LUZP1: variants seen among roughly 807,000 people sequenced by gnomAD.
The protein encoded by LUZP1 is leucine zipper protein 1.
LUZP1 carries 25 observed loss-of-function variants against 71.3 expected under a neutral mutation model. The observed-to-expected ratio is 0.35, with a 90% CI of 0.26 to 0.49. The LOEUF (loss-of-function observed/expected upper bound fraction) is 0.49, where lower values mean the gene tolerates loss of function less well. Among genes scored for constraint, LUZP1 ranks in the 20% least tolerant of loss-of-function variants. The pLI, the probability that LUZP1 is intolerant of heterozygous loss-of-function variation, is 0.99. For missense variants in LUZP1, 1,142 were observed against 1,300.8 expected (o/e 0.88, Z 1.88); for synonymous variants, 481 against 506.4 (o/e 0.95, Z 0.67).
chr1:23,104,745 T>C (rs555370739), intron 3 of LUZP1, among the ~76,000 whole-genome samples: 61 of 152,342 alleles, frequency 4.0e-4, no homozygotes, highest in African/African-American at 1.4e-3. Flanking sequence ...GTAATAGTTT[T>C]ATTGTATTCT....
Position 23,093,143 on chromosome 1 carries a change from C to G in LUZP1, c.1119G>C (p.Arg373Ser), listed in dbSNP as rs1452244292. 1 of 1,614,138 alleles carries G rather than the reference C, an allele frequency of 6.2e-7. No individual in the cohort carries two copies. The highest frequency in any genetic ancestry group is 1.3e-5 in the African/African-American group (1 of 75,054). The change falls in exon 4 of 5, where the codon AGG (arginine) becomes AGC (serine). Residue 373 changes from arginine (R) to serine (S), a missense_variant. Coordinates refer to ENST00000302291, the Ensembl canonical transcript of LUZP1. The surrounding 1 kb of genome is among the most constrained non-coding windows in gnomAD (Gnocchi z 4.2). ...CACTTCCGTGGCCTCTAAACTTAGT[C>G]CTCTCATGTCTGCCTTTGCTGGACA...
At chr1:23,102,204 C>T (rs1269719148) in intron 3 of LUZP1, among the ~76,000 whole-genome samples, 1 of 152,062 alleles carries the variant, frequency 6.6e-6, no homozygotes, top group East Asian at 1.9e-4. Flanking sequence ...TTCATGCCAC[C>T]CCTACATTAG....
At chr1:23,145,468 CTT>C (rs869293750) in intron 2 of LUZP1, among the ~76,000 whole-genome samples, 47 of 135,098 alleles carry the variant, frequency 3.5e-4, no homozygotes, top group African/African-American at 1.0e-3. Flanking sequence ...CTATTAATCT[CTT>C]TTTTTTTTTT....
Position 23,159,592 on chromosome 1 carries a change from T to C in LUZP1, c.-226+9174A>G, listed in dbSNP as rs149949946. Among the ~76,000 whole-genome samples the C allele has an allele frequency of 2.4e-3, 364 of 152,272 alleles. 5 individuals carry two copies. Among genetic ancestry groups the C allele is most frequent in the African/African-American group, 8.1e-3 (335 of 41,568 alleles). On this transcript the variant is annotated intron_variant, in intron 2 of 4. Transcript: ENST00000302291. ...TACATGAGATTATGAGCTTGAAACA[T>C]GATAGGTACTCAATAAATATTTGTT...
chr1:23,146,520 C>T (rs1364652886), intron 2 of LUZP1, among the ~76,000 whole-genome samples: 7 of 152,138 alleles, frequency 4.6e-5, no homozygotes, highest in Admixed American at 4.6e-4. Context: ...AATGGGACCC[C>T]CATGCGGTGC....
intron 2 of LUZP1, among the ~76,000 whole-genome samples, chr1:23,129,578 G>A (rs926462787): frequency 5.3e-5 from 8 of 152,014 alleles, no homozygotes; most frequent in Non-Finnish European, 1.0e-4. Context: ...CAAAAACTCC[G>A]TCTCAAAATA....
intron 2 of LUZP1, among the ~76,000 whole-genome samples, chr1:23,114,266 G>C (rs1164084368): frequency 1.3e-5 from 2 of 152,208 alleles, no homozygotes; most frequent in East Asian, 3.9e-4. Context: ...AGGAAGCAAG[G>C]GGAAAATAAT....
chr1:23,087,370 T>C (rs1270030420), exon 5 of LUZP1: 2 of 152,156 alleles, frequency 1.3e-5, no homozygotes, highest in African/African-American at 2.4e-5. Flanking sequence ...CATACTATTA[T>C]AGATGGTGAA....
At chr1:23,173,350 C>CTTTT (rs869169060) in intron 1 of LUZP1, among the ~76,000 whole-genome samples, 7 of 80,358 alleles carry the variant, frequency 8.7e-5, no homozygotes, top group Non-Finnish European at 1.7e-4. Flanking sequence ...TTTGTTTTTT[C>CTTTT]TTTTTTTTTT....
chr1:23,096,576 A>C (rs532645461), intron 3 of LUZP1, among the ~76,000 whole-genome samples: 3 of 152,324 alleles, frequency 2.0e-5, no homozygotes, highest in Non-Finnish European at 2.9e-5. Flanking sequence ...ATACGGAAGA[A>C]TGTATCACAA....
chr1:23,123,488 T>G (rs1219730475), intron 2 of LUZP1, among the ~76,000 whole-genome samples: 1 of 105,904 alleles, frequency 9.4e-6, no homozygotes, highest in African/African-American at 4.2e-5. Flanking sequence ...TGAGACTTTG[T>G]CTCCAAAAAA....
chr1:23,113,673 A>G (rs1188046976), intron 2 of LUZP1, among the ~76,000 whole-genome samples: 12 of 152,028 alleles, frequency 7.9e-5, no homozygotes, highest in Admixed American at 7.9e-4. Flanking sequence ...CGAGATCAGG[A>G]GATCGGGACC....
chr1:23,171,026 G>A (rs1644549286), intron 1 of LUZP1, among the ~76,000 whole-genome samples: 1 of 151,068 alleles, frequency 6.6e-6, no homozygotes, highest in Non-Finnish European at 1.5e-5. Flanking sequence ...GGAGGTGGAG[G>A]CTGCAATAAG....
exon 5 of LUZP1, chr1:23,084,256 G>A (rs1643722994): frequency 1.3e-5 from 2 of 152,252 alleles, no homozygotes; most frequent in South Asian, 4.2e-4. Flanking sequence ...GGTACACAGG[G>A]CTGCATTCAT....
intron 4 of LUZP1, among the ~76,000 whole-genome samples, chr1:23,089,575 C>CT (rs1160426229): frequency 6.7e-6 from 1 of 148,870 alleles, no homozygotes; most frequent in Non-Finnish European, 1.5e-5. Flanking sequence ...AAATAGCTGT[C>CT]TTTCTCCCTA....
chr1:23,138,663 T>TGTGTG lies in LUZP1; in HGVS notation c.-225-29537_-225-29536insCACAC, dbSNP rs1553140068. Among the ~76,000 whole-genome samples, 155 of 125,654 alleles carry TGTGTG rather than the reference T, an allele frequency of 1.2e-3. 1 individual carries two copies. The highest frequency in any genetic ancestry group is 3.8e-3 in the Middle Eastern group (1 of 262). The allele number at this position is 125,654 out of a possible 152,430, so 82.4% of individuals were successfully genotyped here. On this transcript the variant is annotated intron_variant, in intron 2 of 4. Transcript: ENST00000302291. ...TTTTTATGGTATATGGATTATGTGT[T>TGTGTG]TGTGTGTGTGTGTGTGTGTGTGTGT...
intron 2 of LUZP1, among the ~76,000 whole-genome samples, chr1:23,165,717 G>A (rs1036477502): frequency 6.6e-6 from 1 of 152,082 alleles, no homozygotes; most frequent in South Asian, 2.1e-4. Flanking sequence ...TCTATTATAT[G>A]CATCAAAGTT....
At chr1:23,138,750 C>G (rs762010665) in intron 2 of LUZP1, among the ~76,000 whole-genome samples, 1 of 149,052 alleles carries the variant, frequency 6.7e-6, no homozygotes, top group Non-Finnish European at 1.5e-5. Context: ...CGCCTGTAAT[C>G]CCAGCACTTT....
At chr1:23,104,468 G>A (rs1310136666) in intron 3 of LUZP1, among the ~76,000 whole-genome samples, 2 of 152,122 alleles carry the variant, frequency 1.3e-5, no homozygotes, top group South Asian at 4.1e-4. Context: ...ACAGGTGTGA[G>A]CCACCACGCC....
Sources: gnomAD v4.1 joint callset for allele counts (sites outside exome capture counted in the v4.1 genomes callset) on GRCh38, gnomAD v4.1.1 for gene constraint, Gnocchi (gnomAD v3.1) non-coding constraint, MANE v1.5 for transcripts, NCBI Gene and HGNC (gene_info 2026-07-23, HGNC 2026-07-21) for gene names.